CNTN6: variants seen among roughly 807,000 people sequenced by gnomAD.
CNTN6 encodes the protein contactin 6, also known as contactin-6.
In CNTN6, 137 loss-of-function variants were observed where a neutral mutation model predicts 122.8. The ratio of observed to expected loss-of-function variants is 1.12; its 90% confidence interval spans 0.97 to 1.29. The LOEUF is 1.29. CNTN6 is among the 50% of genes most tolerant of loss of function. The pLI is 0.00. For synonymous variants in CNTN6, 570 were observed against 426.0 expected (o/e 1.34, Z -4.16); for missense variants, 1,634 against 1,223.4 (o/e 1.34, Z -5.01).
At position 1,093,034 on chromosome 3, in the gene CNTN6, G is replaced by C. The variant is rs559035993; in HGVS notation, c.-169G>C. On this transcript the variant is annotated 5_prime_UTR_variant, in exon 1 of 23. Coordinates refer to ENST00000446702, the MANE Select transcript of CNTN6 (RefSeq NM_001289080.2). ...CTGCATAGACATTCCATACGGCTTGGTTCTGCCTGGACGCACAGCATGCCT... is the reference window on the plus strand; with the variant it reads ...CTGCATAGACATTCCATACGGCTTGCTTCTGCCTGGACGCACAGCATGCCT... 4.1e-5 allele frequency: 14 copies of C among 343,796 alleles called. No individual in the cohort carries two copies. Among genetic ancestry groups the C allele is most frequent in the South Asian group, 3.1e-4 (14 of 45,102 alleles). 21.3% of individuals were successfully genotyped at this position (343,796 alleles called of 1,614,324 possible).
chr3:1,198,408 G>A (rs555471703), intron 2 of CNTN6, among the ~76,000 whole-genome samples: 1 of 152,230 alleles, frequency 6.6e-6, no homozygotes, highest in South Asian at 2.1e-4. Flanking sequence ...CACAACATGT[G>A]TTACCACACA....
chr3:1,402,362 A>C lies in CNTN6; in HGVS notation c.2862A>C (p.Glu954Asp). The part of the protein sequence containing the change: ...QNRQSKTHIL[E>D]TNNTSAELLV... ...GACAGAGTAAAACTCATATTTTGGA[A>C]ACAAACAATACATCAGCTGAGCTTC... Residue 954 changes from glutamate (E) to aspartate (D), a missense_variant, in exon 22 of 23, where the codon GAA becomes GAC. Coordinates refer to ENST00000446702, the MANE Select transcript of CNTN6 (RefSeq NM_001289080.2). 5 of 1,611,976 alleles carry C rather than the reference A, an allele frequency of 3.1e-6. No homozygotes were observed. The South Asian group carries it at 5.5e-5, about 18-fold the overall frequency.
At chr3:1,345,950 G>A (rs1245927024) in intron 11 of CNTN6, among the ~76,000 whole-genome samples, 3 of 150,508 alleles carry the variant, frequency 2.0e-5, no homozygotes, top group African/African-American at 7.3e-5. Flanking sequence ...TCTAGTTTCA[G>A]CAATAAGAAA....
chr3:1,197,511 C>T (rs964549528), intron 2 of CNTN6, among the ~76,000 whole-genome samples: 1 of 152,088 alleles, frequency 6.6e-6, no homozygotes, highest in African/African-American at 2.4e-5. Context: ...TTTAGTGAAA[C>T]CTAAGGAGCT....
intron 20 of CNTN6, among the ~76,000 whole-genome samples, chr3:1,388,756 C>T (rs1267856422): frequency 2.7e-5 from 4 of 148,580 alleles, no homozygotes; most frequent in Non-Finnish European, 4.5e-5. Context: ...TCGAGAACTA[C>T]GTGAAGAATG....
intron 20 of CNTN6, among the ~76,000 whole-genome samples, chr3:1,399,066 T>C (rs1218150521): frequency 6.6e-6 from 1 of 152,102 alleles, no homozygotes; most frequent in Non-Finnish European, 1.5e-5. Context: ...TTGAAAACAA[T>C]ACTTTTTCCT....
chr3:1,325,866 A>G lies in CNTN6; in HGVS notation c.998A>G (p.Asp333Gly). Residue 333 changes from aspartate (D) to glycine (G), a missense_variant, in exon 9 of 23, where the codon GAC (aspartate) becomes GGC (glycine). Transcript: ENST00000446702. ...KIQNTHLSIYDNLLWECKASG... is the reference protein window; with the variant it reads ...KIQNTHLSIYGNLLWECKASG... ...CAAAATACACACCTCTCTATCTATG[A>G]CAACTTGCTCTGGGAATGTAAAGCT... The G allele has an allele frequency of 6.2e-7, 1 of 1,612,018 alleles. No individual in the cohort carries two copies. The highest frequency in any genetic ancestry group is 8.5e-7 in the Non-Finnish European group (1 of 1,178,732).
Position 1,199,007 on chromosome 3 carries a change from T to C in CNTN6, c.56-21680T>C, listed in dbSNP as rs979113992. ...AAGATGGAGACAGAGATTGAAATCATGCATCTACAAGTCAAACAATGCCAA... is the reference window on the plus strand; with the variant it reads ...AAGATGGAGACAGAGATTGAAATCACGCATCTACAAGTCAAACAATGCCAA... On this transcript the variant is annotated intron_variant, in intron 2 of 22. Transcript: ENST00000446702. Among the ~76,000 whole-genome samples, 4 of 152,106 alleles carry C rather than the reference T, an allele frequency of 2.6e-5. No homozygotes were observed. The South Asian group carries it at 8.3e-4, about 32-fold the overall frequency.
chr3:1,356,934 A>G (rs1706652524), intron 12 of CNTN6, among the ~76,000 whole-genome samples: 1 of 151,944 alleles, frequency 6.6e-6, no homozygotes, highest in African/African-American at 2.4e-5. Context: ...GTAAAAATGT[A>G]AAAACAAGCA....
intron 4 of CNTN6, among the ~76,000 whole-genome samples, chr3:1,266,209 A>G (rs762400199): frequency 6.6e-6 from 1 of 152,092 alleles, no homozygotes; most frequent in Non-Finnish European, 1.5e-5. Flanking sequence ...CCCTCCCTTT[A>G]TCTAAACCAT....
At chr3:1,119,185 A>G (rs2091851434) in intron 1 of CNTN6, among the ~76,000 whole-genome samples, 1 of 151,204 alleles carries the variant, frequency 6.6e-6, no homozygotes, top group Non-Finnish European at 1.5e-5. Context: ...TAACGTAGTG[A>G]TTTCAGGTTT....
At chr3:1,320,831 C>T (rs1012481307) in intron 7 of CNTN6, among the ~76,000 whole-genome samples, 1 of 151,620 alleles carries the variant, frequency 6.6e-6, no homozygotes, top group Non-Finnish European at 1.5e-5. Context: ...TTGTTAAACA[C>T]TTAGTTTCAT....
chr3:1,389,114 G>C (rs1054773088), intron 20 of CNTN6, among the ~76,000 whole-genome samples: 11 of 145,122 alleles, frequency 7.6e-5, no homozygotes, highest in African/African-American at 2.5e-4. Context: ...ATAATTGTCA[G>C]ATTCACCAAA....
intron 1 of CNTN6, among the ~76,000 whole-genome samples, chr3:1,131,050 A>G (rs1196942706): frequency 1.3e-5 from 2 of 152,100 alleles, no homozygotes; most frequent in Non-Finnish European, 2.9e-5. Flanking sequence ...GCGAAATAAC[A>G]GGCAGACCCT....
chr3:1,223,367 T>TAA lies in CNTN6; in HGVS notation c.182+2556_182+2557dup, dbSNP rs577552901. 2.7e-3 allele frequency among the ~76,000 whole-genome samples: 404 copies of TAA among 152,346 alleles called. 1 individual carries two copies. The highest frequency in any genetic ancestry group is 9.4e-3 in the African/African-American group (390 of 41,584). On this transcript the variant is annotated intron_variant, in intron 3 of 22. Coordinates refer to ENST00000446702, the MANE Select transcript of CNTN6 (RefSeq NM_001289080.2). ...TTAAGATGTGTTTTCTTTCTTTTAG[T>TAA]AAATTCCATACAGCAAATGAAATCT...
chr3:1,119,354 G>GTGTGTGTGTGTGTGTGTGTGT (rs1339996215), intron 1 of CNTN6, among the ~76,000 whole-genome samples: 18 of 8,816 alleles, frequency 2.0e-3, no homozygotes, highest in African/African-American at 3.7e-3. Flanking sequence ...TGTGTGTGTG[G>GTGTGTGTGTGTGTGTGTGTGT]AGAATGTCTC....
At chr3:1,099,344 G>C (rs1271987883) in intron 1 of CNTN6, among the ~76,000 whole-genome samples, 2 of 151,838 alleles carry the variant, frequency 1.3e-5, no homozygotes, top group Non-Finnish European at 2.9e-5. Flanking sequence ...CCAGCTACTG[G>C]GGAGGCTGAG....
intron 1 of CNTN6, among the ~76,000 whole-genome samples, chr3:1,107,057 T>C (rs192606047): frequency 5.3e-5 from 8 of 152,212 alleles, no homozygotes; most frequent in Non-Finnish European, 4.4e-5. Context: ...GATACCTACA[T>C]TGGAAATGGT....
chr3:1,172,636 G>C (rs201882015), intron 2 of CNTN6, among the ~76,000 whole-genome samples: 59,120 of 151,508 alleles, frequency 0.39, 12,247 homozygotes, highest in East Asian at 0.73. Flanking sequence ...GTGTGTGTGT[G>C]TGTGTGTGTG....
Sources: allele counts gnomAD v4.1 joint callset (sites outside exome capture counted in the v4.1 genomes callset), GRCh38; gene constraint gnomAD v4.1.1; transcripts MANE v1.5; gene names NCBI Gene and HGNC (gene_info 2026-07-23, HGNC 2026-07-21).